Variants in NADK2 observed in about 807,000 individuals in gnomAD.
NADK2 encodes the protein NAD kinase 2, mitochondrial, also known as NAD kinase domain-containing protein 1, mitochondrial.
A neutral mutation model predicts 62.1 loss-of-function variants in NADK2; 35 were observed. The ratio of observed to expected loss-of-function variants is 0.56; its 90% confidence interval spans 0.43 to 0.75. The LOEUF (loss-of-function observed/expected upper bound fraction) is 0.75, where lower values mean the gene tolerates loss of function less well. Among genes scored for constraint, NADK2 ranks in the 30% least tolerant of loss-of-function variants. The pLI is 0.00. For missense variants in NADK2, 439 were observed against 561.3 expected (o/e 0.78, Z 2.20); for synonymous variants, 205 against 207.9 (o/e 0.99, Z 0.12).
chr5:36,197,428 T>C (rs1746269943), intron 11 of NADK2, 113 bp downstream of exon 11: 3 of 1,362,628 alleles, frequency 2.2e-6, no homozygotes, highest in Admixed American at 1.8e-5. Flanking sequence ...CTTTTCCTGC[T>C]AGATTAAGTT....
rs5867308 is a variant in NADK2 at position 36,236,867 on chromosome 5, CA to C, written c.300+4631del. Among the ~76,000 whole-genome samples the C allele has an allele frequency of 9.4e-3, 899 of 95,692 alleles. 3 individuals carry two copies. The highest frequency in any genetic ancestry group is 0.03 in the African/African-American group (742 of 24,670). The allele number at this position is 95,692 out of a possible 152,430, so 62.8% of individuals were successfully genotyped here. A position where few individuals can be genotyped will look rare whatever the true frequency, so the allele number is the denominator to read the frequency against. On this transcript the variant is annotated intron_variant, in intron 1 of 11. Transcript: ENST00000381937. The stretch of plus-strand genomic sequence containing the variant: ...AGAGAGTAATGTCTGAGCTTAACCT[CA>C]AAAAAAAAAAAAAAAAAAACAGGAA...
intron 7 of NADK2, among the ~76,000 whole-genome samples, chr5:36,211,228 A>G (rs1746830198): frequency 6.6e-6 from 1 of 152,236 alleles, no homozygotes; most frequent in African/African-American, 2.4e-5. Flanking sequence ...TTATGTTCAG[A>G]GATTGCAGTA....
At chr5:36,239,889 C>T (rs1250244238) in intron 1 of NADK2, among the ~76,000 whole-genome samples, 2 of 152,192 alleles carry the variant, frequency 1.3e-5, no homozygotes, top group Non-Finnish European at 2.9e-5. Flanking sequence ...AGGAAGTTAA[C>T]CACACAGAAC....
intron 7 of NADK2, among the ~76,000 whole-genome samples, chr5:36,210,258 C>T (rs543817155): frequency 6.6e-6 from 1 of 152,242 alleles, no homozygotes; most frequent in South Asian, 2.1e-4. Flanking sequence ...CTTTATATCA[C>T]AGTAGTCATT....
chr5:36,229,188 T>C (rs1295316777), intron 1 of NADK2, among the ~76,000 whole-genome samples: 3 of 71,280 alleles, frequency 4.2e-5, no homozygotes, highest in African/African-American at 9.6e-5. Context: ...AATAGTTTTG[T>C]CCTTGCTTTG....
At chr5:36,202,903 G>GTATA (rs1746498918) in intron 8 of NADK2, among the ~76,000 whole-genome samples, 1 of 152,084 alleles carries the variant, frequency 6.6e-6, no homozygotes, top group South Asian at 2.1e-4. Context: ...TTAAGCCACT[G>GTATA]AGATTGGTGG....
intron 7 of NADK2, among the ~76,000 whole-genome samples, chr5:36,211,548 C>G (rs1746843227): frequency 1.7e-5 from 1 of 58,598 alleles, no homozygotes; most frequent in Non-Finnish European, 4.2e-5. Flanking sequence ...GAGTGAGACT[C>G]AGTCTCAAAA....
Position 36,213,618 on chromosome 5 carries a change from C to CATATATATAGATATATATATAT in NADK2, c.782-1697_782-1696insATATATATATATCTATATATAT, listed in dbSNP as rs1554008785. On this transcript the variant is annotated intron_variant, in intron 6 of 11. Transcript: ENST00000381937. ...TGATACAAAAAGCTATATATGCATGCATATATATATATATGGATTTGATAT... is the reference window on the plus strand; with the variant it reads ...TGATACAAAAAGCTATATATGCATGCATATATATAGATATATATATATATATATATATATATGGATTTGATAT... Among the ~76,000 whole-genome samples, 22 of 107,554 alleles carry CATATATATAGATATATATATAT rather than the reference C, an allele frequency of 2.0e-4. 2 individuals carry two copies. The highest frequency in any genetic ancestry group is 5.9e-4 in the African/African-American group (20 of 34,144). The allele number at this position is 107,554 out of a possible 152,430, so 70.6% of individuals were successfully genotyped here. A position where few individuals can be genotyped will look rare whatever the true frequency, so the allele number is the denominator to read the frequency against.
At chr5:36,200,814 A>G (rs1018443502) in intron 9 of NADK2, among the ~76,000 whole-genome samples, 3 of 151,980 alleles carry the variant, frequency 2.0e-5, no homozygotes, top group Non-Finnish European at 4.4e-5. Flanking sequence ...TAACGGCCCC[A>G]AGGCACAAGT....
chr5:36,241,801 T>A lies in NADK2; in HGVS notation c.-3A>T. ...AAGAAGCCTCGGTAGCAAGTCATCG[T>A]GGGCCGGGCCGCGGCCGCGGGCTTG... On this transcript the variant is annotated 5_prime_UTR_variant, in exon 1 of 12. Transcript: ENST00000381937. This position sits in a 1 kb window ranked among gnomAD's most constrained non-coding sequence, Gnocchi z 4.9. The A allele has an allele frequency of 7.6e-7, 1 of 1,317,238 alleles. No individual in the cohort carries two copies. Among genetic ancestry groups the A allele is most frequent in the Non-Finnish European group, 9.7e-7 (1 of 1,033,130 alleles). The allele number at this position is 1,317,238 out of a possible 1,614,324, so 81.6% of individuals were successfully genotyped here. A position where few individuals can be genotyped will look rare whatever the true frequency, so the allele number is the denominator to read the frequency against.
intron 8 of NADK2, among the ~76,000 whole-genome samples, chr5:36,204,574 CTA>C (rs1405346771): frequency 6.6e-6 from 1 of 151,912 alleles, no homozygotes; most frequent in African/African-American, 2.4e-5. Flanking sequence ...TCAATTTAAT[CTA>C]TAAGATGGTT....
In NADK2 at chr5:36,241,585, C is replaced by G; in HGVS notation, c.214G>C (p.Val72Leu). The G allele has an allele frequency of 6.5e-7, 1 of 1,533,442 alleles. No individual in the cohort carries two copies. Among genetic ancestry groups the G allele is most frequent in the Admixed American group, 1.9e-5 (1 of 52,462 alleles). 95.0% of individuals were successfully genotyped at this position (1,533,442 alleles called of 1,614,324 possible). ...TACCGGGTGGTTTTGGCCACCACCACCACCCGGGAGGGGCGGAAGCCGCCG... is the reference window on the plus strand; with the variant it reads ...TACCGGGTGGTTTTGGCCACCACCAGCACCCGGGAGGGGCGGAAGCCGCCG... ...ADGGFRPSRVVVVAKTTRYEF... is the reference protein window; with the variant it reads ...ADGGFRPSRVLVVAKTTRYEF... The change falls in exon 1 of 12, where the codon GTG becomes CTG. Residue 72 changes from valine (V) to leucine (L), a missense_variant. Physicochemically the swap from Val to Leu is conservative, Grantham distance 32. Coordinates refer to ENST00000381937, the MANE Select transcript of NADK2 (RefSeq NM_001085411.3). This position sits in a 1 kb window ranked among gnomAD's most constrained non-coding sequence, Gnocchi z 4.9.
chr5:36,229,527 C>T (rs1167147376), intron 1 of NADK2, among the ~76,000 whole-genome samples: 5 of 151,770 alleles, frequency 3.3e-5, no homozygotes, highest in African/African-American at 1.2e-4. Flanking sequence ...ATTCAGATTA[C>T]CACTATCATT....
chr5:36,237,525 G>T (rs938918420), intron 1 of NADK2, among the ~76,000 whole-genome samples: 2 of 152,152 alleles, frequency 1.3e-5, no homozygotes, highest in Non-Finnish European at 1.5e-5. Context: ...GTAACAGAAA[G>T]ACTTCTTTGT....
Position 36,226,483 on chromosome 5 carries a change from G to A in NADK2, c.470C>T (p.Ala157Val). 6.2e-7 allele frequency: 1 copy of A among 1,611,468 alleles called. No individual in the cohort carries two copies. Among genetic ancestry groups the A allele is most frequent in the Non-Finnish European group, 8.5e-7 (1 of 1,178,318 alleles). The change falls in exon 3 of 12, where the codon GCT (alanine) becomes GTT (valine). Residue 157 changes from alanine to valine, a missense_variant. Transcript: ENST00000381937. ...TTCTGTCAAATTATTACCTCCTGCA[G>A]CTATGACAGCATCTGCCCATCGAAC... The part of the protein sequence containing the change: ...ETVRWADAVI[A>V]AGGDGTMLLA...
chr5:36,241,209 C>T lies in NADK2; in HGVS notation c.300+290G>A. The stretch of plus-strand genomic sequence containing the variant: ...TCAAACCCCTCACTCTGAGGCCACT[C>T]GGCAGCCCCTCTTCGCCCTCCCCGC... On this transcript the variant is annotated intron_variant, in intron 1 of 11. Coordinates refer to ENST00000381937, the MANE Select transcript of NADK2 (RefSeq NM_001085411.3). The surrounding 1 kb of genome is among the most constrained non-coding windows in gnomAD (Gnocchi z 4.9). The T allele has an allele frequency of 3.0e-6, 1 of 333,774 alleles. No individual in the cohort carries two copies. The highest frequency in any genetic ancestry group is 5.1e-6 in the Non-Finnish European group (1 of 196,338). The allele number at this position is 333,774 out of a possible 1,614,324, so 20.7% of individuals were successfully genotyped here.
intron 9 of NADK2, 71 bp downstream of exon 9, chr5:36,201,035 T>A (rs1398715082): frequency 1.5e-6 from 2 of 1,313,898 alleles, no homozygotes; most frequent in Non-Finnish European, 2.2e-6. Context: ...GTTTCAGCAT[T>A]CACTGGGGGT....
intron 4 of NADK2, among the ~76,000 whole-genome samples, chr5:36,224,513 C>T (rs142270375): frequency 0.023 from 3,470 of 148,520 alleles, 62 homozygotes; most frequent in African/African-American, 0.047. Flanking sequence ...GCTGAGAGTG[C>T]GCCACTGCAC....
At chr5:36,204,583 G>C (rs1056956683) in intron 8 of NADK2, among the ~76,000 whole-genome samples, 4 of 151,796 alleles carry the variant, frequency 2.6e-5, no homozygotes, top group Admixed American at 1.3e-4. Context: ...TCTATAAGAT[G>C]GTTACAAAAT....
Sources: gnomAD v4.1 joint callset for allele counts (sites outside exome capture counted in the v4.1 genomes callset) on GRCh38, gnomAD v4.1.1 for gene constraint, Gnocchi (gnomAD v3.1) non-coding constraint, MANE v1.5 for transcripts, NCBI Gene and HGNC (gene_info 2026-07-23, HGNC 2026-07-21) for gene names.